The following PRMT7 variants were observed in gnomAD, a reference collection of about 807,000 sequenced individuals.
PRMT7 encodes protein arginine methyltransferase 7.
PRMT7 carries 75 observed loss-of-function variants against 85.4 expected under a neutral mutation model. The observed-to-expected ratio is 0.88, with a 90% CI of 0.73 to 1.06. The LOEUF (loss-of-function observed/expected upper bound fraction) is 1.06, where lower values mean the gene tolerates loss of function less well. Ranked by LOEUF, PRMT7 falls within the 50% of genes least tolerant of loss-of-function variation. PRMT7 has a pLI of 0.00. For missense variants in PRMT7, 868 were observed against 915.2 expected (o/e 0.95, Z 0.67); for synonymous variants, 397 against 359.5 (o/e 1.10, Z -1.18).
At chr16:68,343,555 C>T (rs1160248954) in intron 9 of PRMT7, among the ~76,000 whole-genome samples, 2 of 152,166 alleles carry the variant, frequency 1.3e-5, no homozygotes, top group Non-Finnish European at 2.9e-5. Context: ...TCACCAGCTC[C>T]TCAACGTTAG....
chr16:68,344,404 G>A (rs2086001981), intron 9 of PRMT7, among the ~76,000 whole-genome samples: 1 of 152,112 alleles, frequency 6.6e-6, no homozygotes, highest in South Asian at 2.1e-4. Context: ...CCTTTGTTTG[G>A]TCTCTCTCCA....
intron 6 of PRMT7, 47 bp downstream of exon 6, chr16:68,329,221 G>A: frequency 7.1e-7 from 1 of 1,415,112 alleles, no homozygotes; most frequent in Non-Finnish European, 1.0e-6. Flanking sequence ...GCTCTTGTGT[G>A]AGAGAGGAAA....
intron 1 of PRMT7, 127 bp downstream of exon 1, chr16:68,311,226 G>A (rs1048055598): frequency 2.0e-6 from 1 of 504,374 alleles, no homozygotes; most frequent in African/African-American, 1.9e-5. Context: ...TCCTCCGCGT[G>A]GGGCAGCTCG....
intron 2 of PRMT7, among the ~76,000 whole-genome samples, chr16:68,313,218 A>C (rs55736051): frequency 2.6e-5 from 4 of 152,238 alleles, no homozygotes; most frequent in East Asian, 1.9e-4. Flanking sequence ...GTTCTTCACT[A>C]TAAGTTTTTT....
At chr16:68,312,867 C>T (rs2044114676) in intron 2 of PRMT7, among the ~76,000 whole-genome samples, 1 of 152,206 alleles carries the variant, frequency 6.6e-6, no homozygotes, top group South Asian at 2.1e-4. Flanking sequence ...CTCTGTTGCC[C>T]AGGCTGGAGT....
chr16:68,348,473 G>T, intron 14 of PRMT7, 42 bp downstream of exon 14: 1 of 1,519,532 alleles, frequency 6.6e-7, no homozygotes, highest in Non-Finnish European at 9.1e-7. Context: ...GCTGTGTTAG[G>T]GTGGTCAGCA....
chr16:68,346,104 G>A (rs1422900545), intron 10 of PRMT7, 41 bp from the exon 11 acceptor site: 3 of 1,609,086 alleles, frequency 1.9e-6, no homozygotes, highest in Non-Finnish European at 2.5e-6. Flanking sequence ...ACCTGTGGAG[G>A]CGCTCACAGC....
intron 13 of PRMT7, 53 bp from the exon 14 acceptor site, chr16:68,348,289 A>G: frequency 1.4e-6 from 2 of 1,406,572 alleles, no homozygotes; most frequent in Non-Finnish European, 2.0e-6. Flanking sequence ...TTTTTTCCTG[A>G]CAAACACAAT....
chr16:68,340,529 C>T (rs751140731), intron 9 of PRMT7, among the ~76,000 whole-genome samples: 5 of 150,466 alleles, frequency 3.3e-5, no homozygotes, highest in African/African-American at 9.8e-5. Flanking sequence ...TGCAGTGAGT[C>T]GGGACTGCAT....
intron 7 of PRMT7, among the ~76,000 whole-genome samples, chr16:68,338,361 C>T (rs956910822): frequency 6.6e-6 from 1 of 151,916 alleles, no homozygotes; most frequent in African/African-American, 2.4e-5. Flanking sequence ...ACGGGGAGTG[C>T]AGGAAGAGGG....
chr16:68,354,446 A>G (rs1405879969), intron 16 of PRMT7: 2 of 152,280 alleles, frequency 1.3e-5, no homozygotes, highest in African/African-American at 2.4e-5. Context: ...GCAGCTATGC[A>G]TCGGGAGGTG....
rs866162545 is a variant in PRMT7, at chr16:68,348,290, C to T, written c.1324-52C>T. ...ACTTTGAGAGATTTTTTTTTCCTGA[C>T]AAACACAATACTTTAGTATGAATAC... On this transcript the variant is annotated intron_variant, in intron 13 of 18. Coordinates refer to ENST00000441236, the MANE Select transcript of PRMT7 (RefSeq NM_019023.5). The T allele has an allele frequency of 7.9e-6, 11 of 1,400,282 alleles. No individual in the cohort carries two copies. The Middle Eastern group carries it at 7.2e-4, about 92-fold the overall frequency. The allele number at this position is 1,400,282 out of a possible 1,614,324, so 86.7% of individuals were successfully genotyped here.
chr16:68,352,248 G>T lies in PRMT7; in HGVS notation c.1414G>T (p.Val472Phe). The change falls in exon 15 of 19, where the codon GTC becomes TTC. Residue 472 changes from valine (V) to phenylalanine (F), a missense_variant and splice_region_variant. Coordinates refer to ENST00000441236, the MANE Select transcript of PRMT7 (RefSeq NM_019023.5). ...GCCCTGCTTCTCGCCCATTCACCAG[G>T]TCTCTCTCCTCCTGGGCGAGCCGTT... ...LTNEDLQGRKVSLLLGEPFFT... is the reference protein window; with the variant it reads ...LTNEDLQGRKFSLLLGEPFFT... 1 of 1,612,864 alleles carries T rather than the reference G, an allele frequency of 6.2e-7. No homozygotes were observed.
intron 5 of PRMT7, among the ~76,000 whole-genome samples, chr16:68,325,963 C>T (rs1171611676): frequency 6.6e-6 from 1 of 152,112 alleles, no homozygotes; most frequent in Non-Finnish European, 1.5e-5. Context: ...ACCAATTTGT[C>T]ATTTCTTTAA....
chr16:68,325,040 C>T (rs2082942199), intron 5 of PRMT7, among the ~76,000 whole-genome samples: 1 of 152,230 alleles, frequency 6.6e-6, no homozygotes, highest in Non-Finnish European at 1.5e-5. Context: ...CTAGGCTGCA[C>T]ATCAGAATCA....
chr16:68,324,938 C>T, intron 5 of PRMT7, 106 bp downstream of exon 5: 2 of 1,440,382 alleles, frequency 1.4e-6, no homozygotes, highest in East Asian at 2.3e-5. Flanking sequence ...GGAGTGCTCA[C>T]TCTGTGCCAA....
At chr16:68,323,025 C>T (rs1043841079) in intron 4 of PRMT7, among the ~76,000 whole-genome samples, 6 of 151,378 alleles carry the variant, frequency 4.0e-5, no homozygotes, top group Admixed American at 2.6e-4. Flanking sequence ...CAGGGAGACT[C>T]CGTCTCAAAA....
At chr16:68,311,772 C>CT in intron 1 of PRMT7, 1 of 151,972 alleles carries the variant, frequency 6.6e-6, no homozygotes, top group Non-Finnish European at 1.5e-5. Flanking sequence ...TGTAAAAACT[C>CT]TTCCCCAACT....
At chr16:68,324,651 C>T (rs896567247) in intron 4 of PRMT7, 32 bp from the exon 5 acceptor site, 1 of 1,611,342 alleles carries the variant, frequency 6.2e-7, no homozygotes, top group Non-Finnish European at 8.5e-7. Flanking sequence ...CTTATAATAA[C>T]TGGTAGTAAG....
Sources: gnomAD v4.1 joint callset for allele counts (sites outside exome capture counted in the v4.1 genomes callset) on GRCh38, gnomAD v4.1.1 for gene constraint, MANE v1.5 for transcripts, NCBI Gene and HGNC (gene_info 2026-07-23, HGNC 2026-07-21) for gene names.